Variants in TENM1 observed in about 807,000 individuals in gnomAD.
The protein encoded by TENM1 is teneurin-1.
TENM1 carries 35 observed loss-of-function variants against 174.8 expected under a neutral mutation model. The observed-to-expected ratio is 0.20, with a 90% CI of 0.15 to 0.27. The LOEUF is 0.27. TENM1 is among the 10% of genes least tolerant of loss of function. The probability of loss-of-function intolerance (pLI) is 1.00; values close to 1 mark genes in which losing one functional copy is unlikely to be tolerated. For missense variants in TENM1, 1,633 were observed against 2,130.1 expected (o/e 0.77, Z 4.59); for synonymous variants, 781 against 798.7 (o/e 0.98, Z 0.37).
intron 4 of TENM1, among the ~76,000 whole-genome samples, chrX:124,707,557 G>A (rs1265246239): frequency 9.0e-6 from 1 of 110,773 alleles, no homozygotes; most frequent in Non-Finnish European, 1.9e-5. Flanking sequence ...GTTTCACCTC[G>A]GACTTCATTA....
At chrX:125,044,509 G>C in the TENM1 span, among the ~76,000 whole-genome samples, 1 of 110,908 alleles carries the variant, frequency 9.0e-6, no homozygotes, top group East Asian at 2.8e-4. Context: ...AAGGTCACTT[G>C]AGCTTAGGAG....
chrX:124,473,152 A>G (rs2061354116), intron 22 of TENM1, among the ~76,000 whole-genome samples: 1 of 111,676 alleles, frequency 9.0e-6, no homozygotes, highest in Non-Finnish European at 1.9e-5. Flanking sequence ...AGTGAATCAA[A>G]TTTCTTAATT....
intron 3 of TENM1, among the ~76,000 whole-genome samples, chrX:124,798,746 G>A (rs1449211996): frequency 3.6e-5 from 4 of 111,699 alleles, no homozygotes; most frequent in Admixed American, 9.5e-5. Context: ...TGGTGTTTTA[G>A]TCATGAAGTC....
rs187910452 is a variant in TENM1 at position 124,655,019 on chromosome X, C to T, written c.1169-1236G>A. ...CAGTAGAGATTCTCAAACTTTAATGCGTACAAGAAGGCAGTTTTTTAAAAT... is the reference window on the plus strand; with the variant it reads ...CAGTAGAGATTCTCAAACTTTAATGTGTACAAGAAGGCAGTTTTTTAAAAT... On this transcript the variant is annotated intron_variant, in intron 6 of 31. Transcript: ENST00000422452. 4.2e-3 allele frequency among the ~76,000 whole-genome samples: 474 copies of T among 111,892 alleles called. 2 individuals are homozygous for T. Among genetic ancestry groups the T allele is most frequent in the South Asian group, 0.015 (40 of 2,662 alleles).
At chrX:124,946,813 C>T (rs757569059) in intron 1 of TENM1, among the ~76,000 whole-genome samples, 9 of 108,889 alleles carry the variant, frequency 8.3e-5, no homozygotes, top group Non-Finnish European at 1.7e-4. Context: ...AAAAATCAAA[C>T]GCTGAAAAAT....
At chrX:124,415,879 T>G (rs1457133605) in intron 25 of TENM1, among the ~76,000 whole-genome samples, 1 of 111,572 alleles carries the variant, frequency 9.0e-6, no homozygotes, top group Non-Finnish European at 1.9e-5. Flanking sequence ...AACAAAATTA[T>G]CTTCTCTCTT....
intron 1 of TENM1, among the ~76,000 whole-genome samples, chrX:124,908,922 G>A (rs1195757263): frequency 2.8e-5 from 3 of 108,379 alleles, no homozygotes; most frequent in Non-Finnish European, 3.8e-5. Context: ...GCAGTGATGC[G>A]ATCTTGGCTC....
intron 14 of TENM1, among the ~76,000 whole-genome samples, chrX:124,554,738 T>C (rs2148141375): frequency 8.9e-6 from 1 of 112,104 alleles, no homozygotes; most frequent in African/African-American, 3.2e-5. Flanking sequence ...CTTGTATGTG[T>C]TCATAACTCA....
chrX:124,496,962 C>A (rs73215108), intron 20 of TENM1, 54 bp downstream of exon 23: 195,114 of 1,158,222 alleles, frequency 0.17, 13,396 homozygotes, highest in Non-Finnish European at 0.2. Flanking sequence ...TTCATATTAT[C>A]TTGCTTTTTG....
rs190422147 is a variant in TENM1 at position 124,468,306 on chromosome X, G to A, written c.3949+13426C>T. ...TTCTCCTGCCTCAGCCTCTTGAGTAGCTGGGATTACAGGCACCCACCACCA... is the reference window on the plus strand; with the variant it reads ...TTCTCCTGCCTCAGCCTCTTGAGTAACTGGGATTACAGGCACCCACCACCA... On this transcript the variant is annotated intron_variant, in intron 22 of 31. Transcript: ENST00000422452. 4.3e-3 allele frequency among the ~76,000 whole-genome samples: 473 copies of A among 109,452 alleles called. 2 individuals carry two copies. Among genetic ancestry groups the A allele is most frequent in the African/African-American group, 0.015 (441 of 30,054 alleles).
intron 3 of TENM1, among the ~76,000 whole-genome samples, chrX:124,840,539 G>A (rs2056476559): frequency 9.0e-6 from 1 of 111,318 alleles, no homozygotes; most frequent in Non-Finnish European, 1.9e-5. Context: ...GTTAATTTTA[G>A]AAACAGCTCA....
the TENM1 span, among the ~76,000 whole-genome samples, chrX:125,060,640 G>C: frequency 9.1e-6 from 1 of 110,357 alleles, no homozygotes; most frequent in Admixed American, 9.7e-5. Context: ...TTGAATTATA[G>C]GGTGTCTTGT....
chrX:124,793,755 A>G (rs775341466), intron 3 of TENM1, among the ~76,000 whole-genome samples: 10 of 111,505 alleles, frequency 9.0e-5, no homozygotes, highest in Admixed American at 5.8e-4. Flanking sequence ...AGTGCTTGGC[A>G]TACAGTAAGT....
At chrX:124,728,016 T>C (rs1428052188) in intron 4 of TENM1, among the ~76,000 whole-genome samples, 1 of 111,197 alleles carries the variant, frequency 9.0e-6, no homozygotes, top group Non-Finnish European at 1.9e-5. Flanking sequence ...TCACTAATAA[T>C]AGCAAATGCA....
At chrX:124,938,851 A>G (rs1267054937) in intron 1 of TENM1, among the ~76,000 whole-genome samples, 1 of 111,644 alleles carries the variant, frequency 9.0e-6, no homozygotes, top group Non-Finnish European at 1.9e-5. Context: ...TAGAAGTTGT[A>G]TGCACAATAA....
At chrX:124,481,989 T>C in intron 21 of TENM1, 25 bp from the exon 25 acceptor site, 1 of 1,067,245 alleles carries the variant, frequency 9.4e-7, no homozygotes, top group Non-Finnish European at 1.3e-6. Flanking sequence ...AGTAAAGTTA[T>C]TCAAGGCAAT....
chrX:124,564,615 C>G (rs1213741260), intron 12 of TENM1, among the ~76,000 whole-genome samples: 1 of 111,709 alleles, frequency 9.0e-6, no homozygotes, highest in Non-Finnish European at 1.9e-5. Flanking sequence ...GCAAAGATTT[C>G]TTGCATAGAA....
the TENM1 span, among the ~76,000 whole-genome samples, chrX:125,198,420 T>C: frequency 3.6e-5 from 4 of 111,861 alleles, no homozygotes; most frequent in Admixed American, 2.9e-4. Context: ...ATAGCTATTA[T>C]GAAACTATTT....
At chrX:124,537,437 A>G (rs2048228495) in intron 15 of TENM1, among the ~76,000 whole-genome samples, 2 of 111,964 alleles carry the variant, frequency 1.8e-5, no homozygotes, top group African/African-American at 6.5e-5. Flanking sequence ...CAGAGAAGTT[A>G]AAAGTTTTGC....
Sources: gnomAD v4.1 joint callset for allele counts (sites outside exome capture counted in the v4.1 genomes callset) on GRCh38, gnomAD v4.1.1 for gene constraint, MANE v1.5 for transcripts, NCBI Gene and HGNC (gene_info 2026-07-23, HGNC 2026-07-21) for gene names.